CTNNA2: variants seen among roughly 807,000 people sequenced by gnomAD.
The protein encoded by CTNNA2 is catenin alpha-2.
In CTNNA2, 42 loss-of-function variants were observed where a neutral mutation model predicts 101.0. The ratio of observed to expected loss-of-function variants is 0.42; its 90% confidence interval spans 0.32 to 0.54. CTNNA2 has a LOEUF of 0.54. CTNNA2 is among the 20% of genes least tolerant of loss of function. The probability of loss-of-function intolerance (pLI) is 0.14; values close to 1 mark genes in which losing one functional copy is unlikely to be tolerated. For synonymous variants in CTNNA2, 450 were observed against 456.4 expected (o/e 0.99, Z 0.18); for missense variants, 871 against 1,223.1 (o/e 0.71, Z 4.29).
At chr2:79,587,409 C>A (rs1676566906) in intron 1 of CTNNA2, among the ~76,000 whole-genome samples, 1 of 151,930 alleles carries the variant, frequency 6.6e-6, no homozygotes, top group Admixed American at 6.6e-5. Context: ...CATGCCCAGC[C>A]CTCTGGCTTC....
At chr2:80,392,791 A>T (rs1303517037) in intron 7 of CTNNA2, among the ~76,000 whole-genome samples, 2 of 152,168 alleles carry the variant, frequency 1.3e-5, no homozygotes, top group Non-Finnish European at 2.9e-5. Context: ...AATTCTGGTG[A>T]TTTACTTAAA....
intron 7 of CTNNA2, among the ~76,000 whole-genome samples, chr2:80,119,364 A>G (rs147623770): frequency 2.0e-5 from 3 of 152,198 alleles, no homozygotes; most frequent in Admixed American, 6.5e-5. Flanking sequence ...GCAGAGGGAC[A>G]GGGATTGGGG....
At chr2:79,541,578 G>C (rs962676573) in intron 1 of CTNNA2, among the ~76,000 whole-genome samples, 6 of 151,360 alleles carry the variant, frequency 4.0e-5, no homozygotes, top group East Asian at 3.9e-4. Flanking sequence ...AATAGTGGCT[G>C]GTGTCTCAGC....
chr2:80,244,202 A>G (rs909132703), intron 7 of CTNNA2, among the ~76,000 whole-genome samples: 1 of 152,224 alleles, frequency 6.6e-6, no homozygotes, highest in African/African-American at 2.4e-5. Context: ...ATTTCTGGCC[A>G]TTATTATAAA....
chr2:79,225,402 T>G (rs1222267759), intron 2 of CTNNA2, among the ~76,000 whole-genome samples: 2 of 152,156 alleles, frequency 1.3e-5, no homozygotes, highest in African/African-American at 2.4e-5. Flanking sequence ...TTGTCACTTG[T>G]TTTTATATTC....
chr2:79,227,333 T>C (rs1255827714), intron 2 of CTNNA2, among the ~76,000 whole-genome samples: 4 of 152,192 alleles, frequency 2.6e-5, no homozygotes, highest in Admixed American at 2.6e-4. Flanking sequence ...TATTCCATCA[T>C]TTGATGTCTG....
intron 4 of CTNNA2, among the ~76,000 whole-genome samples, chr2:79,384,654 A>G (rs188796508): frequency 6.6e-6 from 1 of 152,274 alleles, no homozygotes; most frequent in Non-Finnish European, 1.5e-5. Flanking sequence ...AAAGGCAGAG[A>G]AAATGTGATA....
At chr2:79,464,591 G>T (rs1033757501) in intron 4 of CTNNA2, among the ~76,000 whole-genome samples, 1 of 152,124 alleles carries the variant, frequency 6.6e-6, no homozygotes, top group African/African-American at 2.4e-5. Context: ...CTAGTTTACA[G>T]TCCCACCAAC....
intron 1 of CTNNA2, among the ~76,000 whole-genome samples, chr2:79,592,779 A>G (rs1205197828): frequency 6.6e-6 from 1 of 152,190 alleles, no homozygotes; most frequent in Admixed American, 6.5e-5. Context: ...TGATTGCCAC[A>G]TGATATGCAT....
chr2:79,356,717 C>T (rs913463811), intron 3 of CTNNA2, among the ~76,000 whole-genome samples: 3 of 152,060 alleles, frequency 2.0e-5, no homozygotes, highest in Admixed American at 1.3e-4. Context: ...GAAGAAAAGT[C>T]CACCATCTAG....
chr2:79,291,130 G>A (rs918712603), intron 2 of CTNNA2, among the ~76,000 whole-genome samples: 5 of 152,122 alleles, frequency 3.3e-5, no homozygotes, highest in African/African-American at 1.2e-4. Flanking sequence ...GGGGGATAAG[G>A]GAACTTTTCT....
chr2:80,154,849 A>T (rs1279340116), intron 7 of CTNNA2, among the ~76,000 whole-genome samples: 1 of 152,210 alleles, frequency 6.6e-6, no homozygotes, highest in Non-Finnish European at 1.5e-5. Flanking sequence ...ATTCTTAAAA[A>T]ATATATACAA....
At chr2:80,456,679 G>A (rs542418787) in intron 9 of CTNNA2, among the ~76,000 whole-genome samples, 1 of 152,274 alleles carries the variant, frequency 6.6e-6, no homozygotes, top group Admixed American at 6.5e-5. Flanking sequence ...TAGCTACATG[G>A]CCTTAGACAG....
intron 3 of CTNNA2, among the ~76,000 whole-genome samples, chr2:79,363,688 C>T (rs1019774097): frequency 6.6e-6 from 1 of 152,170 alleles, no homozygotes; most frequent in Admixed American, 6.5e-5. Flanking sequence ...CAAGAGTTTT[C>T]CTTTGCTGCT....
chr2:79,705,660 T>A (rs1685308404), intron 2 of CTNNA2, among the ~76,000 whole-genome samples: 1 of 152,188 alleles, frequency 6.6e-6, no homozygotes, highest in African/African-American at 2.4e-5. Flanking sequence ...TTTTCCTTAC[T>A]TTATGCTGTT....
intron 7 of CTNNA2, among the ~76,000 whole-genome samples, chr2:79,961,596 G>A (rs1423710142): frequency 1.3e-5 from 2 of 152,174 alleles, no homozygotes; most frequent in African/African-American, 4.8e-5. Flanking sequence ...GCTGAGGCGG[G>A]CGGATCACCA....
At position 79,557,352 on chromosome 2, in the gene CTNNA2, G is replaced by C. The variant is rs760074628; in HGVS notation, c.-6+44145G>C. On this transcript the variant is annotated intron_variant, in intron 1 of 18. Coordinates refer to ENST00000402739, the MANE Select transcript of CTNNA2 (RefSeq NM_001282597.3). ...ATTTCAGAAATTGGAAACAGAATGT[G>C]ATGAGTGAGCTCTGAATGCTGGAAT... Among the ~76,000 whole-genome samples, 14 of 152,000 alleles carry C rather than the reference G, an allele frequency of 9.2e-5. No individual in the cohort carries two copies. In the East Asian group the frequency reaches 2.5e-3, roughly 27 times the overall value.
intron 12 of CTNNA2, among the ~76,000 whole-genome samples, chr2:80,565,306 C>G (rs1209659858): frequency 6.6e-6 from 1 of 152,076 alleles, no homozygotes; most frequent in African/African-American, 2.4e-5. Context: ...AAGCAAAGTT[C>G]TAGGAGCAAG....
At chr2:80,333,379 A>G (rs6750519) in intron 7 of CTNNA2, among the ~76,000 whole-genome samples, 9,522 of 152,234 alleles carry the variant, frequency 0.063, 455 homozygotes, top group African/African-American at 0.13. Context: ...GATGAATTCA[A>G]TCTGGTGTCT....
Sources: allele counts gnomAD v4.1 joint callset (sites outside exome capture counted in the v4.1 genomes callset), GRCh38; gene constraint gnomAD v4.1.1; transcripts MANE v1.5; gene names NCBI Gene and HGNC (gene_info 2026-07-23, HGNC 2026-07-21).